The following ARID4A variants were observed in gnomAD, a reference collection of about 807,000 sequenced individuals.
ARID4A encodes AT-rich interaction domain 4A.
In ARID4A, 39 loss-of-function variants were observed where a neutral mutation model predicts 148.6. The observed-to-expected ratio is 0.26, with a 90% CI of 0.20 to 0.34. The LOEUF (loss-of-function observed/expected upper bound fraction) is 0.34, where lower values mean the gene tolerates loss of function less well. Among genes scored for constraint, ARID4A ranks in the 10% least tolerant of loss-of-function variants. ARID4A has a pLI of 1.00. For missense variants in ARID4A, 1,265 were observed against 1,449.1 expected, an observed-to-expected ratio of 0.87 and a Z score of 2.06; for synonymous variants, 475 against 481.2, an observed-to-expected ratio of 0.99 and a Z score of 0.17.
chr14:58,343,281 G>T, intron 11 of ARID4A, among the ~76,000 whole-genome samples: 1 of 152,004 alleles, frequency 6.6e-6, no homozygotes, highest in East Asian at 1.9e-4. Context: ...TTTATATTTG[G>T]TAAAAGTATT....
At chr14:58,347,244 T>C in intron 14 of ARID4A, 127 bp downstream of exon 14, 1 of 508,240 alleles carries the variant, frequency 2.0e-6, no homozygotes, top group Non-Finnish European at 3.3e-6. Context: ...AAGGTTTAGG[T>C]TGACAGATAC....
intron 23 of ARID4A, among the ~76,000 whole-genome samples, chr14:58,367,523 T>G (rs1244309250): frequency 6.6e-6 from 1 of 152,198 alleles, no homozygotes; most frequent in Non-Finnish European, 1.5e-5. Context: ...CAGAAATGAG[T>G]TAGATACAGA....
chr14:58,309,073 T>TA (rs2031820898), intron 5 of ARID4A, among the ~76,000 whole-genome samples: 1 of 152,200 alleles, frequency 6.6e-6, no homozygotes, highest in African/African-American at 2.4e-5. Context: ...ACTCAGTTTT[T>TA]AAAAAATCTG....
intron 3 of ARID4A, 34 bp downstream of exon 3, chr14:58,301,724 C>T (rs778746880): frequency 1.3e-6 from 2 of 1,532,260 alleles, no homozygotes; most frequent in Non-Finnish European, 1.8e-6. Flanking sequence ...GTTTTATTAA[C>T]TCTAGATTGA....
At chr14:58,346,164 C>A (rs903416778) in intron 12 of ARID4A, among the ~76,000 whole-genome samples, 9 of 149,800 alleles carry the variant, frequency 6.0e-5, no homozygotes, top group South Asian at 2.1e-4. Flanking sequence ...CTGAAGATCC[C>A]CACAAAGCTA....
intron 11 of ARID4A, among the ~76,000 whole-genome samples, chr14:58,342,615 A>T (rs1034123565): frequency 6.6e-6 from 1 of 152,312 alleles, no homozygotes; most frequent in East Asian, 1.9e-4. Context: ...CTGTAGGATC[A>T]TAAATACTGG....
chr14:58,358,993 T>G, intron 17 of ARID4A, 139 bp from the exon 18 acceptor site: 1 of 881,092 alleles, frequency 1.1e-6, no homozygotes, highest in South Asian at 1.9e-5. Context: ...CCAGCCCCTG[T>G]GCCCTTCATA....
At chr14:58,337,365 G>C (rs2033886939) in intron 11 of ARID4A, among the ~76,000 whole-genome samples, 1 of 150,444 alleles carries the variant, frequency 6.6e-6, no homozygotes, top group Non-Finnish European at 1.5e-5. Flanking sequence ...GAAAGCAGGG[G>C]ATCTCAGGAT....
At chr14:58,338,685 A>G (rs190499095) in intron 11 of ARID4A, among the ~76,000 whole-genome samples, 1 of 152,280 alleles carries the variant, frequency 6.6e-6, no homozygotes, top group Admixed American at 6.5e-5. Context: ...GAGGGACTAT[A>G]GACAGCATCA....
chr14:58,303,277 T>C (rs1355006172), intron 3 of ARID4A, among the ~76,000 whole-genome samples: 1 of 152,180 alleles, frequency 6.6e-6, no homozygotes, highest in Admixed American at 6.5e-5. Flanking sequence ...TCTCAAACAT[T>C]TTTCATTTCT....
chr14:58,312,865 A>C (rs2032145596), intron 5 of ARID4A, among the ~76,000 whole-genome samples: 1 of 152,212 alleles, frequency 6.6e-6, no homozygotes, highest in South Asian at 2.1e-4. Flanking sequence ...ACATGGTAGA[A>C]GCTTAATAAG....
In ARID4A at chr14:58,364,939, T is replaced by C. The variant is rs376851152; in HGVS notation, c.2850T>C (p.Pro950=). Residue 950 remains proline (P), a synonymous_variant, in exon 20 of 24, where the codon CCT becomes CCC. Transcript: ENST00000355431. Reference sequence around the variant, plus strand: ...TAAAAGAAGATGAGGATGCAATGCCTCTGATCGGGCCTGAAACCTTGGTTT... The same window carrying C: ...TAAAAGAAGATGAGGATGCAATGCCCCTGATCGGGCCTGAAACCTTGGTTT... ...IPLKEDEDAM[P]LIGPETLVCH... 7 of 1,614,036 alleles carry C rather than the reference T, an allele frequency of 4.3e-6. No individual in the cohort carries two copies. The African/African-American group carries it at 9.3e-5, about 22-fold the overall frequency.
chr14:58,349,492 A>C (rs35107244), intron 15 of ARID4A, among the ~76,000 whole-genome samples: 79,609 of 147,180 alleles, frequency 0.54, 21,546 homozygotes, highest in Middle Eastern at 0.7. Flanking sequence ...TAAAAATACA[A>C]AAAAAAAAAA....
intron 23 of ARID4A, among the ~76,000 whole-genome samples, chr14:58,370,792 G>A (rs1182720720): frequency 6.6e-6 from 1 of 151,548 alleles, no homozygotes; most frequent in Non-Finnish European, 1.5e-5. Context: ...AGTTTTTTTT[G>A]TAGAGGCATA....
rs1366970292 is a variant in ARID4A, at chr14:58,359,814, G to C, written c.1938+598G>C. On this transcript the variant is annotated intron_variant, in intron 18 of 23. Transcript: ENST00000355431. ...GGGCATGGTGGCTCATGCCTGTAAT[G>C]CCAGCACTTTGGGAGGCTGAGGCGG... Among the ~76,000 whole-genome samples, 12 of 152,100 alleles carry C rather than the reference G, an allele frequency of 7.9e-5. No individual in the cohort carries two copies. The South Asian group carries it at 1.9e-3, about 24-fold the overall frequency.
intron 8 of ARID4A, among the ~76,000 whole-genome samples, chr14:58,324,197 C>G (rs749076460): frequency 1.7e-4 from 26 of 152,188 alleles, no homozygotes; most frequent in Admixed American, 1.3e-4. Context: ...GCCACCGCGC[C>G]TGGCCTTAAC....
At chr14:58,356,742 G>A (rs1055614229) in intron 17 of ARID4A, among the ~76,000 whole-genome samples, 4 of 140,730 alleles carry the variant, frequency 2.8e-5, no homozygotes, top group African/African-American at 1.1e-4. Context: ...TTGCTCTGTC[G>A]CCAGGCTGGA....
intron 5 of ARID4A, among the ~76,000 whole-genome samples, chr14:58,312,378 G>A (rs1211251213): frequency 6.6e-6 from 1 of 151,890 alleles, no homozygotes; most frequent in Non-Finnish European, 1.5e-5. Flanking sequence ...CATCACCCTG[G>A]CTAATTTTTA....
chr14:58,332,081 T>C (rs978103815), intron 11 of ARID4A, among the ~76,000 whole-genome samples: 1 of 125,952 alleles, frequency 7.9e-6, no homozygotes, highest in Non-Finnish European at 1.6e-5. Flanking sequence ...GATTATAAAA[T>C]AGTAAATTGT....
Sources: gnomAD v4.1 joint callset for allele counts (sites outside exome capture counted in the v4.1 genomes callset) on GRCh38, gnomAD v4.1.1 for gene constraint, MANE v1.5 for transcripts, NCBI Gene and HGNC (gene_info 2026-07-23, HGNC 2026-07-21) for gene names.